Variants in PRKN observed in about 807,000 individuals in gnomAD.
PRKN encodes the protein E3 ubiquitin-protein ligase parkin.
In PRKN, 56 loss-of-function variants were observed where a neutral mutation model predicts 59.5. The observed-to-expected ratio is 0.94, with a 90% CI of 0.76 to 1.18. The LOEUF (loss-of-function observed/expected upper bound fraction) is 1.18. Ranked by LOEUF, PRKN falls within the 50% of genes most tolerant of loss-of-function variation. PRKN has a pLI of 0.00. For missense variants in PRKN, 657 were observed against 596.4 expected (o/e 1.10, Z -1.06); for synonymous variants, 250 against 222.1 (o/e 1.13, Z -1.12).
intron 2 of PRKN, among the ~76,000 whole-genome samples, chr6:162,437,487 A>G (rs771232276): frequency 2.0e-5 from 3 of 152,246 alleles, no homozygotes; most frequent in Non-Finnish European, 2.9e-5. Context: ...AGACGTTATA[A>G]TTGTACTATA....
chr6:162,241,141 A>G (rs1778972689), intron 3 of PRKN, among the ~76,000 whole-genome samples: 1 of 152,180 alleles, frequency 6.6e-6, no homozygotes, highest in African/African-American at 2.4e-5. Context: ...AATTCTGTCT[A>G]ATGTCTTTTA....
chr6:162,686,958 C>A (rs1234089413), intron 1 of PRKN, among the ~76,000 whole-genome samples: 1 of 152,020 alleles, frequency 6.6e-6, no homozygotes, highest in Non-Finnish European at 1.5e-5. Context: ...GTGATGCCTG[C>A]AGCTTTGTTT....
intron 4 of PRKN, among the ~76,000 whole-genome samples, chr6:162,199,892 C>T (rs191487295): frequency 1.3e-5 from 2 of 152,220 alleles, no homozygotes; most frequent in Admixed American, 1.3e-4. Context: ...TACAGGGCTG[C>T]CACCTTGACC....
intron 1 of PRKN, among the ~76,000 whole-genome samples, chr6:162,600,077 C>T (rs778830380): frequency 6.6e-6 from 1 of 152,088 alleles, no homozygotes; most frequent in Non-Finnish European, 1.5e-5. Flanking sequence ...CCATCTCATC[C>T]CAACACAGAT....
chr6:162,517,446 C>T (rs1444236814), intron 1 of PRKN, among the ~76,000 whole-genome samples: 3 of 151,286 alleles, frequency 2.0e-5, no homozygotes, highest in South Asian at 2.1e-4. Flanking sequence ...TTAGTAGAGA[C>T]GGGGTTTCAC....
rs397761693 is a variant in PRKN at position 161,582,441 on chromosome 6, T to TATA, written c.872-13026_872-13025insTAT. Among the ~76,000 whole-genome samples the TATA allele has an allele frequency of 1.3e-5, 2 of 148,980 alleles. No homozygotes were observed. Among genetic ancestry groups the TATA allele is most frequent in the Non-Finnish European group, 3.0e-5 (2 of 67,176 alleles). On this transcript the variant is annotated intron_variant, in intron 7 of 11. Transcript: ENST00000366898. The surrounding 1 kb of genome is among the most constrained non-coding windows in gnomAD (Gnocchi z 4.4). ...TTATTATTATTATTATTATTATTATTTTTGAGACAGAGTCTCGCTCTGTCG... is the reference window on the plus strand; with the variant it reads ...TTATTATTATTATTATTATTATTATTATATTTGAGACAGAGTCTCGCTCTGTCG...
At chr6:161,633,710 CAG>C (rs2128155626) in intron 7 of PRKN, among the ~76,000 whole-genome samples, 1 of 152,256 alleles carries the variant, frequency 6.6e-6, no homozygotes, top group South Asian at 2.1e-4. Flanking sequence ...CTTGCCACTT[CAG>C]AGTTGTTTTT....
Position 162,224,410 on chromosome 6 carries a change from C to T in PRKN, c.413-23158G>A, listed in dbSNP as rs567130288. 5.9e-5 allele frequency among the ~76,000 whole-genome samples: 9 copies of T among 152,154 alleles called. No homozygotes were observed. The South Asian group carries it at 1.0e-3, about 18-fold the overall frequency. ...CTGTACCATGTAGCCTAGGTGTGTG[C>T]GAGGCTATACCATGCAGGTCTGTGT... On this transcript the variant is annotated intron_variant, in intron 3 of 11. Coordinates refer to ENST00000366898, the MANE Select transcript of PRKN (RefSeq NM_004562.3).
chr6:162,052,046 C>T (rs939050493), intron 5 of PRKN, among the ~76,000 whole-genome samples: 4 of 152,104 alleles, frequency 2.6e-5, no homozygotes, highest in African/African-American at 9.7e-5. Context: ...TAGATGAGAT[C>T]GGGCACGTTC....
intron 4 of PRKN, among the ~76,000 whole-genome samples, chr6:162,189,190 A>G (rs1784160907): frequency 6.7e-6 from 1 of 150,238 alleles, no homozygotes; most frequent in South Asian, 2.1e-4. Context: ...TATTCTAATT[A>G]TATTCTATAG....
chr6:162,243,082 A>G (rs1191873275), intron 3 of PRKN, among the ~76,000 whole-genome samples: 2 of 151,952 alleles, frequency 1.3e-5, no homozygotes, highest in African/African-American at 4.8e-5. Context: ...TTCTCATCAG[A>G]GCTAAAAGCA....
chr6:162,232,249 T>G (rs1344482101), intron 3 of PRKN, among the ~76,000 whole-genome samples: 1 of 152,182 alleles, frequency 6.6e-6, no homozygotes, highest in Non-Finnish European at 1.5e-5. Context: ...GCACTGTTGC[T>G]GACCTGCAGT....
chr6:161,618,448 C>T (rs770853154), intron 7 of PRKN, among the ~76,000 whole-genome samples: 13 of 152,042 alleles, frequency 8.6e-5, no homozygotes, highest in Non-Finnish European at 1.9e-4. Context: ...TTTTGCTTGC[C>T]CAAATTTTTC....
In PRKN at chr6:161,428,094, G is replaced by A. The variant is rs926704545; in HGVS notation, c.1084-41217C>T. ...GCATTTGGACACAGCTCACACGCATGAGTGATGCTCTTCCACCTGCATCTT... is the reference window on the plus strand; with the variant it reads ...GCATTTGGACACAGCTCACACGCATAAGTGATGCTCTTCCACCTGCATCTT... On this transcript the variant is annotated intron_variant, in intron 9 of 11. Coordinates refer to ENST00000366898, the MANE Select transcript of PRKN (RefSeq NM_004562.3). The surrounding 1 kb of genome is among the most constrained non-coding windows in gnomAD (Gnocchi z 4.0). Among the ~76,000 whole-genome samples the A allele has an allele frequency of 2.6e-5, 4 of 152,192 alleles. No homozygotes were observed. Among genetic ancestry groups the A allele is most frequent in the African/African-American group, 9.7e-5 (4 of 41,442 alleles).
At chr6:162,532,511 T>C (rs948742266) in intron 1 of PRKN, among the ~76,000 whole-genome samples, 2 of 152,206 alleles carry the variant, frequency 1.3e-5, no homozygotes, top group African/African-American at 2.4e-5. Flanking sequence ...GTCTTTATGA[T>C]GTCTGACTGA....
chr6:162,312,105 G>C (rs1271401533), intron 2 of PRKN, among the ~76,000 whole-genome samples: 2 of 152,082 alleles, frequency 1.3e-5, no homozygotes, highest in Non-Finnish European at 1.5e-5. Flanking sequence ...GGCAGATAAA[G>C]AAACAGAGGA....
intron 4 of PRKN, among the ~76,000 whole-genome samples, chr6:162,070,978 T>A (rs1453466737): frequency 6.6e-6 from 1 of 152,092 alleles, no homozygotes; most frequent in African/African-American, 2.4e-5. Context: ...TTCCAGTTTC[T>A]TAAGGCCTGA....
intron 1 of PRKN, among the ~76,000 whole-genome samples, chr6:162,549,048 C>T (rs560354043): frequency 6.6e-6 from 1 of 152,182 alleles, no homozygotes; most frequent in South Asian, 2.1e-4. Context: ...AATCCTGCCC[C>T]CCCAAGATGA....
chr6:162,727,585 C>T (rs111508614), intron 1 of PRKN, 77 bp downstream of exon 1: 1 of 1,464,244 alleles, frequency 6.8e-7, no homozygotes, highest in South Asian at 1.2e-5. Context: ...GGGTCCTGGT[C>T]GGCCGAGGCG....
Sources: gnomAD v4.1 joint callset for allele counts (sites outside exome capture counted in the v4.1 genomes callset) on GRCh38, gnomAD v4.1.1 for gene constraint, Gnocchi (gnomAD v3.1) non-coding constraint, MANE v1.5 for transcripts, NCBI Gene and HGNC (gene_info 2026-07-23, HGNC 2026-07-21) for gene names.